LAMA2: variants seen among roughly 807,000 people sequenced by gnomAD.
LAMA2 encodes laminin subunit alpha-2.
Under a neutral mutation model 364.8 loss-of-function variants are expected in LAMA2, and 269 were observed. The ratio of observed to expected loss-of-function variants is 0.74; its 90% CI spans 0.67 to 0.82. The LOEUF is 0.82. Ranked by LOEUF, LAMA2 falls within the 40% of genes least tolerant of loss-of-function variation. The probability of loss-of-function intolerance (pLI) is 0.00; values close to 1 mark genes in which losing one functional copy is unlikely to be tolerated. For synonymous variants in LAMA2, 1,379 were observed against 1,370.6 expected, an observed-to-expected ratio of 1.01 and a Z score of -0.14; for missense variants, 3,807 against 3,873.2, an observed-to-expected ratio of 0.98 and a Z score of 0.45.
intron 10 of LAMA2, among the ~76,000 whole-genome samples, chr6:129,180,785 C>A (rs1780879400): frequency 6.6e-6 from 1 of 152,072 alleles, no homozygotes; most frequent in Non-Finnish European, 1.5e-5. Flanking sequence ...AGAGGGAAAT[C>A]TAAGTTAAGC....
chr6:129,366,625 CAT>C (rs1293785783), intron 33 of LAMA2, among the ~76,000 whole-genome samples: 2 of 152,116 alleles, frequency 1.3e-5, no homozygotes, highest in Non-Finnish European at 2.9e-5. Context: ...TATGTGCAAA[CAT>C]AAAATCAGGT....
intron 1 of LAMA2, among the ~76,000 whole-genome samples, chr6:128,950,601 G>T (rs1181984254): frequency 6.6e-6 from 1 of 152,064 alleles, no homozygotes; most frequent in Non-Finnish European, 1.5e-5. Flanking sequence ...ACATGGCCCA[G>T]GATTGAACCT....
At chr6:129,362,282 A>T (rs1473127155) in intron 32 of LAMA2, among the ~76,000 whole-genome samples, 2 of 152,140 alleles carry the variant, frequency 1.3e-5, no homozygotes, top group African/African-American at 4.8e-5. Context: ...CTGCAATCAC[A>T]AGATAGTTCT....
chr6:129,339,732 C>T (rs955172912), intron 29 of LAMA2, among the ~76,000 whole-genome samples: 8 of 152,154 alleles, frequency 5.3e-5, no homozygotes, highest in African/African-American at 1.2e-4. Flanking sequence ...GGGCTGGGCA[C>T]GGCAGCTCCC....
intron 22 of LAMA2, among the ~76,000 whole-genome samples, chr6:129,303,207 A>G (rs972082643): frequency 4.6e-5 from 7 of 152,160 alleles, no homozygotes; most frequent in African/African-American, 1.7e-4. Flanking sequence ...ATTTTTTATC[A>G]AAAGCAAATG....
chr6:129,512,405 A>G lies in LAMA2; in HGVS notation c.8900A>G (p.Glu2967Gly). The change falls in exon 63 of 65, where the codon GAA becomes GGA. Residue 2967 changes from glutamate to glycine, a missense_variant. Glu to Gly is a moderately conservative substitution (Grantham distance 98). Coordinates refer to ENST00000421865, the MANE Select transcript of LAMA2 (RefSeq NM_000426.4). ...GGATTGGACCTTCTTGTAGAATTTGAATTCCGCACAACTACAACGACTGGA... is the reference window on the plus strand; with the variant it reads ...GGATTGGACCTTCTTGTAGAATTTGGATTCCGCACAACTACAACGACTGGA... Reference protein sequence around the residue: ...KVGLDLLVEFEFRTTTTTGVL... With the variant: ...KVGLDLLVEFGFRTTTTTGVL... The G allele has an allele frequency of 1.2e-6, 2 of 1,613,690 alleles. No homozygotes were observed. The highest frequency in any genetic ancestry group is 1.7e-6 in the Non-Finnish European group (2 of 1,179,618).
At chr6:129,353,027 A>G in intron 31 of LAMA2, 137 bp from the exon 32 acceptor site, 4 of 615,520 alleles carry the variant, frequency 6.5e-6, no homozygotes, top group Non-Finnish European at 1.1e-5. Context: ...TTACTATCTG[A>G]CCCTTTACAG....
intron 37 of LAMA2, 50 bp downstream of exon 37, chr6:129,393,305 G>A (rs370879703): frequency 1.9e-4 from 262 of 1,383,110 alleles, no homozygotes; most frequent in Non-Finnish European, 2.5e-4. Context: ...TGGGGACTGC[G>A]GGGGCAGTGT....
intron 1 of LAMA2, among the ~76,000 whole-genome samples, chr6:128,908,256 A>G (rs1339284461): frequency 6.6e-6 from 1 of 151,414 alleles, no homozygotes; most frequent in Admixed American, 6.6e-5. Context: ...CTGTGAATCC[A>G]TCTGGTCCTG....
intron 12 of LAMA2, among the ~76,000 whole-genome samples, chr6:129,241,119 T>C (rs1299097098): frequency 2.6e-5 from 4 of 152,322 alleles, no homozygotes; most frequent in South Asian, 2.1e-4. Flanking sequence ...TGGCAGGGTA[T>C]CTCATGGGGT....
chr6:129,048,523 TCC>T (rs1169644288), intron 1 of LAMA2, among the ~76,000 whole-genome samples: 7 of 47,938 alleles, frequency 1.5e-4, no homozygotes, highest in East Asian at 2.9e-4. Flanking sequence ...CTTCCTTCCT[TCC>T]TTCCTTCCTT....
intron 1 of LAMA2, among the ~76,000 whole-genome samples, chr6:128,962,627 C>T (rs562715807): frequency 1.3e-5 from 2 of 152,176 alleles, no homozygotes; most frequent in East Asian, 3.9e-4. Flanking sequence ...TAACATTGCT[C>T]ATTAGGCATG....
chr6:129,447,485 G>T (rs1370857067), intron 45 of LAMA2, among the ~76,000 whole-genome samples: 1 of 152,180 alleles, frequency 6.6e-6, no homozygotes, highest in Admixed American at 6.5e-5. Flanking sequence ...AGTCCAGTTT[G>T]CCCAGAGTAA....
At chr6:128,929,681 G>T (rs1779330788) in intron 1 of LAMA2, 2 of 1,407,288 alleles carry the variant, frequency 1.4e-6, no homozygotes, top group East Asian at 4.6e-5. Flanking sequence ...CCAACGCCAA[G>T]AAATCAAGGG....
At chr6:129,059,410 C>T (rs1428407979) in intron 2 of LAMA2, among the ~76,000 whole-genome samples, 1 of 152,160 alleles carries the variant, frequency 6.6e-6, no homozygotes, top group Non-Finnish European at 1.5e-5. Flanking sequence ...CATACTAGAG[C>T]TGTCTCAATA....
At chr6:128,922,818 C>G (rs1320241586) in intron 1 of LAMA2, among the ~76,000 whole-genome samples, 1 of 152,130 alleles carries the variant, frequency 6.6e-6, no homozygotes, top group Non-Finnish European at 1.5e-5. Flanking sequence ...CCTAGGTTTT[C>G]TTCTAGTGTT....
chr6:128,987,589 C>T (rs1783345719), intron 1 of LAMA2, among the ~76,000 whole-genome samples: 1 of 152,106 alleles, frequency 6.6e-6, no homozygotes, highest in Non-Finnish European at 1.5e-5. Flanking sequence ...ATAGGTTCTC[C>T]AACAAATTAT....
chr6:129,014,266 A>G (rs1176610859), intron 1 of LAMA2, among the ~76,000 whole-genome samples: 2 of 152,206 alleles, frequency 1.3e-5, no homozygotes, highest in Non-Finnish European at 2.9e-5. Context: ...TGTTCTGGCT[A>G]TCTTACATTC....
chr6:129,096,364 T>C (rs947684239), intron 3 of LAMA2, among the ~76,000 whole-genome samples: 49 of 152,326 alleles, frequency 3.2e-4, no homozygotes, highest in African/African-American at 1.2e-3. Context: ...ACAAAAAATA[T>C]AGCAGAATAC....
Sources: gnomAD v4.1 joint callset for allele counts (sites outside exome capture counted in the v4.1 genomes callset) on GRCh38, gnomAD v4.1.1 for gene constraint, MANE v1.5 for transcripts, NCBI Gene and HGNC (gene_info 2026-07-23, HGNC 2026-07-21) for gene names.